The following PCDHA4 variants were observed in gnomAD, a reference collection of about 807,000 sequenced individuals.
PCDHA4 encodes the protein protocadherin alpha 4, also known as protocadherin alpha-4.
A neutral mutation model predicts 61.4 loss-of-function variants in PCDHA4; 49 were observed. That is an observed-to-expected ratio of 0.80 (90% CI 0.63 to 1.01). PCDHA4 has a LOEUF of 1.01. Ranked by LOEUF, PCDHA4 falls within the 50% of genes least tolerant of loss-of-function variation. PCDHA4 has a pLI of 0.00. For synonymous variants in PCDHA4, 590 were observed against 550.3 expected, an observed-to-expected ratio of 1.07 and a Z score of -1.01; for missense variants, 1,254 against 1,235.8, an observed-to-expected ratio of 1.01 and a Z score of -0.22.
Position 140,883,366 on chromosome 5 carries a change from C to A in PCDHA4, c.2385+73794C>A, listed in dbSNP as rs34923516. 1.2e-5 allele frequency: 19 copies of A among 1,614,056 alleles called. No individual in the cohort carries two copies. In the African/African-American group the frequency reaches 2.4e-4, roughly 20 times the overall value. On this transcript the variant is annotated intron_variant, in intron 1 of 3. Transcript: ENST00000530339. ...CCATCAGAGAAGACACTCAGCCTAGCGCCATTATTGCCCTAATCAGTGTGT... is the reference window on the plus strand; with the variant it reads ...CCATCAGAGAAGACACTCAGCCTAGAGCCATTATTGCCCTAATCAGTGTGT...
rs372058384 is a variant in PCDHA4, at chr5:140,875,718, C to T, written c.2385+66146C>T. ...TTCTGGAGGTAAATCTGCAGAATGGCATTTTGTTTGTGAATTCTCGGATCG... is the reference window on the plus strand; with the variant it reads ...TTCTGGAGGTAAATCTGCAGAATGGTATTTTGTTTGTGAATTCTCGGATCG... On this transcript the variant is annotated intron_variant, in intron 1 of 3. Coordinates refer to ENST00000530339, the MANE Select transcript of PCDHA4 (RefSeq NM_018907.4). 2.4e-5 allele frequency: 38 copies of T among 1,614,182 alleles called. 1 individual carries two copies. The highest frequency in any genetic ancestry group is 2.7e-5 in the Non-Finnish European group (32 of 1,180,048).
chr5:141,009,707 A>C lies in PCDHA4; in HGVS notation c.2614A>C (p.Asn872His). 6.2e-7 allele frequency: 1 copy of C among 1,614,144 alleles called. No individual in the cohort carries two copies. Among genetic ancestry groups the C allele is most frequent in the African/African-American group, 1.3e-5 (1 of 75,024 alleles). The change falls in exon 4 of 4, where the codon AAC becomes CAC. Residue 872 changes from asparagine (N) to histidine (H), a missense_variant. By Grantham distance (68) the Asn-to-His change is moderately conservative. Transcript: ENST00000530339. ...CTGGACCTTTAAATACGGACCAGGC[A>C]ACCCCAAACAATCCGGTCCCGGTGA... is the stretch of plus-strand genomic sequence containing the variant. ...NSWTFKYGPG[N>H]PKQSGPGELP...
At chr5:140,974,108 C>A (rs977903039) in intron 1 of PCDHA4, among the ~76,000 whole-genome samples, 3 of 152,182 alleles carry the variant, frequency 2.0e-5, no homozygotes, top group African/African-American at 7.2e-5. Flanking sequence ...TAAAAGTATT[C>A]TTTTGCAGTG....
rs1554262820 is a variant in PCDHA4, at chr5:141,010,243, G to A, written c.*306G>A. On this transcript the variant is annotated 3_prime_UTR_variant, in exon 4 of 4. Coordinates refer to ENST00000530339, the MANE Select transcript of PCDHA4 (RefSeq NM_018907.4). The stretch of plus-strand genomic sequence containing the variant: ...TTCCCAGCCCCGCCAGTGAGAGGTT[G>A]GACTCTCTGCCCTGTGCTCCGGGGA... 1 of 1,551,890 alleles carries A rather than the reference G, an allele frequency of 6.4e-7. No individual in the cohort carries two copies. Among genetic ancestry groups the A allele is most frequent in the Non-Finnish European group, 8.7e-7 (1 of 1,147,036 alleles).
At chr5:140,882,776 T>C in intron 1 of PCDHA4, 2 of 1,614,252 alleles carry the variant, frequency 1.2e-6, no homozygotes, top group Non-Finnish European at 1.7e-6. Context: ...GGCATTGACC[T>C]ACCGACTGGA....
At chr5:140,906,589 C>T (rs2072764004) in intron 1 of PCDHA4, among the ~76,000 whole-genome samples, 1 of 152,220 alleles carries the variant, frequency 6.6e-6, no homozygotes, top group South Asian at 2.1e-4. Context: ...TGACTACCTT[C>T]CTCTACTACT....
chr5:140,993,460 TCTCACACACACA>T (rs2097560533), intron 3 of PCDHA4, among the ~76,000 whole-genome samples: 2 of 104,506 alleles, frequency 1.9e-5, no homozygotes, highest in South Asian at 3.7e-4. Context: ...CTTCTTTCTT[TCTCACACACACA>T]CACACACACA....
At chr5:140,936,630 T>C (rs1309907947) in intron 1 of PCDHA4, among the ~76,000 whole-genome samples, 1 of 152,234 alleles carries the variant, frequency 6.6e-6, no homozygotes, top group Non-Finnish European at 1.5e-5. Context: ...GCTACCTTTG[T>C]CATAAGCAAC....
chr5:140,995,386 A>G (rs1156268381), intron 3 of PCDHA4, among the ~76,000 whole-genome samples: 1 of 152,202 alleles, frequency 6.6e-6, no homozygotes, highest in Non-Finnish European at 1.5e-5. Context: ...TGGGCAGGAT[A>G]AAGCGGGATG....
chr5:140,875,028 G>C (rs1321534427), intron 1 of PCDHA4, among the ~76,000 whole-genome samples: 1 of 152,198 alleles, frequency 6.6e-6, no homozygotes, highest in Non-Finnish European at 1.5e-5. Flanking sequence ...CTGGCCTACT[G>C]TATTTGAAAG....
chr5:140,893,709 G>T lies in PCDHA4; in HGVS notation c.2385+84137G>T, dbSNP rs141117049. ...ATCTCATTCTATCCTAGCCTGTAAA[G>T]CTTCTGCTGAGAAATCTGCTGTTAG... is the stretch of plus-strand genomic sequence containing the variant. On this transcript the variant is annotated intron_variant, in intron 1 of 3. Transcript: ENST00000530339. 2.6e-3 allele frequency among the ~76,000 whole-genome samples: 396 copies of T among 152,250 alleles called. 2 individuals carry two copies. Among genetic ancestry groups the T allele is most frequent in the African/African-American group, 9.2e-3 (384 of 41,542 alleles).
chr5:140,982,648 G>T, intron 3 of PCDHA4, 85 bp downstream of exon 3: 5 of 1,508,154 alleles, frequency 3.3e-6, no homozygotes, highest in Non-Finnish European at 4.4e-6. Flanking sequence ...GAATGTTGAT[G>T]GCTCTTTTTC....
chr5:140,849,596 A>G, intron 1 of PCDHA4: 1 of 1,598,768 alleles, frequency 6.3e-7, no homozygotes, highest in Non-Finnish European at 8.6e-7. Flanking sequence ...AACTGGGGAC[A>G]GTTATTGCCC....
intron 1 of PCDHA4, chr5:140,967,776 C>T: frequency 1.2e-6 from 2 of 1,614,148 alleles, no homozygotes; most frequent in East Asian, 2.2e-5. Flanking sequence ...TATGTGCAGG[C>T]GACTGACCGG....
At position 140,808,892 on chromosome 5, in the gene PCDHA4, C is replaced by A. The variant is rs13189658; in HGVS notation, c.1705C>A (p.Arg569=). The A allele has an allele frequency of 2.5e-6, 4 of 1,613,376 alleles. 1 individual carries two copies. The highest frequency in any genetic ancestry group is 3.3e-5 in the Admixed American group (2 of 60,014). Residue 569 remains arginine, a synonymous_variant, in exon 1 of 4, where the codon CGG becomes AGG. Transcript: ENST00000530339. ...CAACGCGCCAGCACTGCTAGCGCCT[C>A]GGGCGGGTGGCACTGGTGGCGCAGT... ...NDNAPALLAP[R]AGGTGGAVSE...
At chr5:140,905,669 A>T (rs781948009) in intron 1 of PCDHA4, among the ~76,000 whole-genome samples, 1 of 152,228 alleles carries the variant, frequency 6.6e-6, no homozygotes, top group Non-Finnish European at 1.5e-5. Flanking sequence ...ATCCATTAAC[A>T]TGGAACATAT....
chr5:140,825,781 T>C (rs1469171066), intron 1 of PCDHA4: 1 of 152,484 alleles, frequency 6.6e-6, no homozygotes, highest in African/African-American at 2.4e-5. Context: ...AATTCTACTA[T>C]ATTTTGGTTG....
intron 1 of PCDHA4, chr5:140,823,380 C>T (rs2150125210): frequency 1.2e-6 from 2 of 1,612,686 alleles, no homozygotes; most frequent in East Asian, 2.2e-5. Flanking sequence ...TCCAGGTGAG[C>T]GCGCGCGACG....
intron 1 of PCDHA4, chr5:140,822,926 T>C: frequency 6.2e-7 from 1 of 1,614,226 alleles, no homozygotes; most frequent in Middle Eastern, 1.6e-4. Context: ...AACGGGCAGG[T>C]GACCTGCTCC....
Sources: gnomAD v4.1 joint callset for allele counts (sites outside exome capture counted in the v4.1 genomes callset) on GRCh38, gnomAD v4.1.1 for gene constraint, MANE v1.5 for transcripts, NCBI Gene and HGNC (gene_info 2026-07-23, HGNC 2026-07-21) for gene names.